Variants in RAB11FIP3 observed in about 807,000 individuals in gnomAD.
The protein encoded by RAB11FIP3 is RAB11 family interacting protein 3, also known as rab11 family-interacting protein 3.
Under a neutral mutation model 77.8 loss-of-function variants are expected in RAB11FIP3, and 17 were observed. The observed-to-expected ratio is 0.22, with a 90% CI of 0.15 to 0.33. RAB11FIP3 has a LOEUF of 0.33. Among genes scored for constraint, RAB11FIP3 ranks in the 10% least tolerant of loss-of-function variants. RAB11FIP3 has a pLI of 1.00. For missense variants in RAB11FIP3, 1,005 were observed against 1,011.2 expected (o/e 0.99, Z 0.08); for synonymous variants, 437 against 448.2 (o/e 0.98, Z 0.31).
At chr16:483,980 A>G (rs2056099724) in intron 4 of RAB11FIP3, among the ~76,000 whole-genome samples, 1 of 152,072 alleles carries the variant, frequency 6.6e-6, no homozygotes. Context: ...TGTCTCCCCA[A>G]GATGCATAAA....
At chr16:496,392 G>T (rs931833717) in intron 5 of RAB11FIP3, among the ~76,000 whole-genome samples, 1 of 152,272 alleles carries the variant, frequency 6.6e-6, no homozygotes, top group Non-Finnish European at 1.5e-5. Flanking sequence ...TGAGCATGAT[G>T]CATCAGTGCC....
rs371592610 is a variant in RAB11FIP3, at chr16:445,244, C to T, written c.715-16160C>T. Among the ~76,000 whole-genome samples, 11 of 151,082 alleles carry T rather than the reference C, an allele frequency of 7.3e-5. 1 individual carries two copies. Among genetic ancestry groups the T allele is most frequent in the Non-Finnish European group, 1.2e-4 (8 of 67,914 alleles). ...GGTCAGGAGTTGGAGACCAGCCTGG[C>T]CAACATGGTGAAACCCCGAATCTAC... On this transcript the variant is annotated intron_variant, in intron 1 of 13. Coordinates refer to ENST00000262305, the MANE Select transcript of RAB11FIP3 (RefSeq NM_014700.4).
chr16:515,346 C>T (rs2032350465), intron 9 of RAB11FIP3, among the ~76,000 whole-genome samples: 2 of 152,208 alleles, frequency 1.3e-5, no homozygotes, highest in Non-Finnish European at 1.5e-5. Context: ...ACTTAGTATG[C>T]TCCACTCAGC....
At chr16:491,314 G>A in intron 5 of RAB11FIP3, 1 of 1,286,890 alleles carries the variant, frequency 7.8e-7, no homozygotes. Flanking sequence ...CAGGGTGTGG[G>A]GGACTCCGGA....
chr16:492,428 C>CG lies in RAB11FIP3; in HGVS notation c.1265+3431dup, dbSNP rs779175548. Among the ~76,000 whole-genome samples, 268 of 124,684 alleles carry CG rather than the reference C, an allele frequency of 2.1e-3. 12 individuals carry two copies. The highest frequency in any genetic ancestry group is 0.016 in the East Asian group (54 of 3,434). The allele number at this position is 124,684 out of a possible 152,430, so 81.8% of individuals were successfully genotyped here. On this transcript the variant is annotated intron_variant, in intron 5 of 13. Coordinates refer to ENST00000262305, the MANE Select transcript of RAB11FIP3 (RefSeq NM_014700.4). ...ACCCGAGGCCGCCCAGGGCCCTCCC[C>CG]GGGAGACCCGAGGCCGCCCAGGGCC... is the stretch of plus-strand genomic sequence containing the variant.
chr16:501,510 TAGGCA>T, intron 6 of RAB11FIP3, among the ~76,000 whole-genome samples: 1 of 92,578 alleles, frequency 1.1e-5, no homozygotes, highest in South Asian at 3.7e-4. Context: ...CCCCATTTCA[TAGGCA>T]AGGAAGCTCG....
chr16:435,277 CT>C (rs2055110554), intron 1 of RAB11FIP3, among the ~76,000 whole-genome samples: 1 of 151,694 alleles, frequency 6.6e-6, no homozygotes, highest in African/African-American at 2.4e-5. Context: ...GAGTTTAGTT[CT>C]GTGTAGATGG....
chr16:461,680 C>G lies in RAB11FIP3; in HGVS notation c.808+183C>G, dbSNP rs1329633401. ...TTCTTGTTACCTTCTCCTCACATAC[C>G]CTGTTTTCCAGAATTTGCTGCGTTA... On this transcript the variant is annotated intron_variant, in intron 2 of 13. Coordinates refer to ENST00000262305, the MANE Select transcript of RAB11FIP3 (RefSeq NM_014700.4). This position sits in a 1 kb window ranked among gnomAD's most constrained non-coding sequence, Gnocchi z 4.5. 1.3e-5 allele frequency among the ~76,000 whole-genome samples: 2 copies of G among 152,078 alleles called. No individual in the cohort carries two copies. Among genetic ancestry groups the G allele is most frequent in the Non-Finnish European group, 2.9e-5 (2 of 68,030 alleles).
At position 513,045 on chromosome 16, in the gene RAB11FIP3, G is replaced by A. The variant is rs546451815; in HGVS notation, c.1640+2245G>A. Among the ~76,000 whole-genome samples, 148 of 152,334 alleles carry A rather than the reference G, an allele frequency of 9.7e-4. 1 individual carries two copies. The highest frequency in any genetic ancestry group is 2.8e-3 in the Admixed American group (43 of 15,290). ...TCTCCATCTGGGAGCTCATGCTGTG[G>A]ATTCCTGGTGTGTGTTTAGAAATAC... On this transcript the variant is annotated intron_variant, in intron 9 of 13. Coordinates refer to ENST00000262305, the MANE Select transcript of RAB11FIP3 (RefSeq NM_014700.4).
intron 5 of RAB11FIP3, among the ~76,000 whole-genome samples, chr16:492,421 C>CCGTCCAGAG (rs2030502726): frequency 1.4e-5 from 2 of 139,586 alleles, no homozygotes; most frequent in African/African-American, 5.7e-5. Context: ...CCGCCCAGGG[C>CCGTCCAGAG]CCTCCCCGGG....
In RAB11FIP3 at chr16:461,589, C is replaced by A; in HGVS notation, c.808+92C>A. ...CACATCACCAGGCTCCTCGTGCTGACTCTAACATCTTTCCTTCTCCTTGAA... is the reference window on the plus strand; with the variant it reads ...CACATCACCAGGCTCCTCGTGCTGAATCTAACATCTTTCCTTCTCCTTGAA... On this transcript the variant is annotated intron_variant, in intron 2 of 13. Transcript: ENST00000262305. The surrounding 1 kb of genome is among the most constrained non-coding windows in gnomAD (Gnocchi z 4.5). 1 of 1,036,840 alleles carries A rather than the reference C, an allele frequency of 9.6e-7. No individual in the cohort carries two copies. The highest frequency in any genetic ancestry group is 1.5e-6 in the Non-Finnish European group (1 of 679,782). 64.2% of individuals were successfully genotyped at this position (1,036,840 alleles called of 1,614,324 possible).
chr16:492,389 G>A (rs2030433124), intron 5 of RAB11FIP3, among the ~76,000 whole-genome samples: 1 of 138,328 alleles, frequency 7.2e-6, no homozygotes, highest in African/African-American at 3.0e-5. Context: ...GCCGCCCAGA[G>A]CCCTCCCCGG....
chr16:497,435 C>T lies in RAB11FIP3; in HGVS notation c.1301+576C>T, dbSNP rs1190820406. The T allele has an allele frequency of 3.2e-6, 4 of 1,243,178 alleles. No homozygotes were observed. The East Asian group carries it at 1.8e-4, about 55-fold the overall frequency. The allele number at this position is 1,243,178 out of a possible 1,614,324, so 77.0% of individuals were successfully genotyped here. On this transcript the variant is annotated intron_variant, in intron 6 of 13. Transcript: ENST00000262305. ...ACTCAGTGTGGCTGCCGGGTGGCCT[C>T]TGCTGCCGTCAGAGTCTGCCTTTGT... is the stretch of plus-strand genomic sequence containing the variant.
intron 4 of RAB11FIP3, among the ~76,000 whole-genome samples, chr16:487,647 G>GC (rs1187360664): frequency 5.9e-5 from 9 of 152,132 alleles, no homozygotes; most frequent in Admixed American, 5.9e-4. Context: ...GTGGAGCAGC[G>GC]CCGGGCCTGC....
Position 500,687 on chromosome 16 carries a change from C to CAAA in RAB11FIP3, c.1302-2290_1302-2288dup, listed in dbSNP as rs56771770. 1.8e-3 allele frequency among the ~76,000 whole-genome samples: 40 copies of CAAA among 22,286 alleles called. 2 individuals carry two copies. The highest frequency in any genetic ancestry group is 7.5e-3 in the African/African-American group (30 of 3,998). The allele number at this position is 22,286 out of a possible 152,430, so 14.6% of individuals were successfully genotyped here. A position where few individuals can be genotyped will look rare whatever the true frequency, so the allele number is the denominator to read the frequency against. Reference sequence around the variant, plus strand: ...CAGGTGACAGTGCAAGACTCTGTCGCAAAAAAAAAAAAAAAAAAAAAAAAA... The same window carrying CAAA: ...CAGGTGACAGTGCAAGACTCTGTCGCAAAAAAAAAAAAAAAAAAAAAAAAAAAA... On this transcript the variant is annotated intron_variant, in intron 6 of 13. Transcript: ENST00000262305.
At chr16:502,974 C>A in intron 6 of RAB11FIP3, 30 bp from the exon 7 acceptor site, 1 of 1,544,360 alleles carries the variant, frequency 6.5e-7, no homozygotes, top group Non-Finnish European at 8.9e-7. Context: ...TTTTCCCTTT[C>A]TTCCCTCTGT....
At chr16:510,638 G>T in intron 8 of RAB11FIP3, 22 bp from the exon 9 acceptor site, 2 of 1,579,816 alleles carry the variant, frequency 1.3e-6, no homozygotes, top group Non-Finnish European at 1.7e-6. Flanking sequence ...AGACAGCTCA[G>T]CTCCTCCCTT....
At chr16:510,623 C>T in intron 8 of RAB11FIP3, 37 bp from the exon 9 acceptor site, 1 of 1,558,334 alleles carries the variant, frequency 6.4e-7, no homozygotes, top group Non-Finnish European at 8.7e-7. Flanking sequence ...GCACACCCTG[C>T]CTGGAGACAG....
intron 4 of RAB11FIP3, among the ~76,000 whole-genome samples, chr16:483,586 C>CT (rs2056090122): frequency 6.6e-6 from 1 of 152,178 alleles, no homozygotes; most frequent in Non-Finnish European, 1.5e-5. Flanking sequence ...AAATAGATTT[C>CT]TTTGACATTT....
Sources: gnomAD v4.1 joint callset for allele counts (sites outside exome capture counted in the v4.1 genomes callset) on GRCh38, gnomAD v4.1.1 for gene constraint, Gnocchi (gnomAD v3.1) non-coding constraint, MANE v1.5 for transcripts, NCBI Gene and HGNC (gene_info 2026-07-23, HGNC 2026-07-21) for gene names.